Variants in SGCZ observed in about 807,000 individuals in gnomAD.
SGCZ encodes zeta-sarcoglycan.
Under a neutral mutation model 41.3 loss-of-function variants are expected in SGCZ, and 40 were observed. That is an observed-to-expected ratio of 0.97 (90% CI 0.75 to 1.26). The LOEUF (loss-of-function observed/expected upper bound fraction) is 1.26, where lower values mean the gene tolerates loss of function less well. Among genes scored for constraint, SGCZ ranks in the 50% most tolerant of loss-of-function variants. The pLI, the probability that SGCZ is intolerant of heterozygous loss-of-function variation, is 0.00. For synonymous variants in SGCZ, 206 were observed against 137.5 expected, an observed-to-expected ratio of 1.50 and a Z score of -3.49; for missense variants, 552 against 369.8, an observed-to-expected ratio of 1.49 and a Z score of -4.04.
intron 1 of SGCZ, among the ~76,000 whole-genome samples, chr8:14,626,004 C>A (rs760616622): frequency 2.6e-5 from 4 of 152,114 alleles, no homozygotes; most frequent in Non-Finnish European, 4.4e-5. Flanking sequence ...GAAAAAGGGG[C>A]AGTCGCATAC....
chr8:14,635,057 G>T (rs1806783996), intron 1 of SGCZ, among the ~76,000 whole-genome samples: 3 of 135,598 alleles, frequency 2.2e-5, no homozygotes, highest in Non-Finnish European at 1.6e-5. Context: ...TATTGAAATA[G>T]TATTATAATT....
intron 1 of SGCZ, among the ~76,000 whole-genome samples, chr8:14,691,100 T>A (rs1186993689): frequency 6.6e-6 from 1 of 152,208 alleles, no homozygotes; most frequent in Non-Finnish European, 1.5e-5. Context: ...TTATTTATTA[T>A]GTTTATTGTC....
intron 1 of SGCZ, among the ~76,000 whole-genome samples, chr8:14,607,765 C>T (rs896685178): frequency 9.2e-5 from 14 of 152,114 alleles, no homozygotes; most frequent in African/African-American, 3.1e-4. Context: ...TTTTCAGCTC[C>T]TCTGGATAAT....
chr8:14,629,312 T>C (rs1274389057), intron 1 of SGCZ, among the ~76,000 whole-genome samples: 5 of 151,454 alleles, frequency 3.3e-5, no homozygotes, highest in Non-Finnish European at 7.4e-5. Flanking sequence ...TAGGTGATCT[T>C]TTTAAAAATT....
At chr8:14,669,158 A>G (rs1246901751) in intron 1 of SGCZ, among the ~76,000 whole-genome samples, 1 of 149,270 alleles carries the variant, frequency 6.7e-6, no homozygotes, top group African/African-American at 2.5e-5. Flanking sequence ...AACATGGTAA[A>G]ACCTCGTCTC....
intron 3 of SGCZ, among the ~76,000 whole-genome samples, chr8:14,267,150 AT>A (rs1237652892): frequency 6.6e-6 from 1 of 152,054 alleles, no homozygotes; most frequent in Non-Finnish European, 1.5e-5. Flanking sequence ...GATAAGAGTT[AT>A]TATTATTATT....
At chr8:14,819,490 G>C (rs1421029438) in intron 1 of SGCZ, among the ~76,000 whole-genome samples, 3 of 152,108 alleles carry the variant, frequency 2.0e-5, no homozygotes. Context: ...TCAAGAAAGT[G>C]CTACAACTGC....
At chr8:14,193,329 G>A (rs560654305) in intron 4 of SGCZ, among the ~76,000 whole-genome samples, 1,032 of 29,156 alleles carry the variant, frequency 0.035, 4 homozygotes, top group South Asian at 0.091. Context: ...AAAAAATGCA[G>A]CATGCTATTT....
intron 2 of SGCZ, among the ~76,000 whole-genome samples, chr8:14,500,841 G>A (rs7828975): frequency 0.26 from 38,954 of 151,582 alleles, 5,021 homozygotes; most frequent in Admixed American, 0.29. Flanking sequence ...GTTTTCATAT[G>A]TAACTCTTAT....
chr8:14,279,743 A>C (rs951175217), intron 3 of SGCZ, among the ~76,000 whole-genome samples: 4 of 152,038 alleles, frequency 2.6e-5, no homozygotes, highest in Non-Finnish European at 5.9e-5. Flanking sequence ...TAAAAAGTAG[A>C]TTCACAGCCT....
intron 2 of SGCZ, among the ~76,000 whole-genome samples, chr8:14,328,254 T>C (rs1802193510): frequency 6.6e-6 from 1 of 152,198 alleles, no homozygotes; most frequent in African/African-American, 2.4e-5. Flanking sequence ...ATAAATTAAA[T>C]TTATTTTTAG....
At position 14,882,743 on chromosome 8, in the gene SGCZ, C is replaced by T. The variant is rs183896967; in HGVS notation, c.40-327817G>A. ...CCTGGTAATACCTTCCTCAATCTAC[C>T]CTCTTTTTCTATTTTTCTATCTCCA... On this transcript the variant is annotated intron_variant, in intron 1 of 7. Coordinates refer to ENST00000382080, the MANE Select transcript of SGCZ (RefSeq NM_139167.4). Among the ~76,000 whole-genome samples, 190 of 152,044 alleles carry T rather than the reference C, an allele frequency of 1.2e-3. 4 individuals carry two copies. The highest frequency in any genetic ancestry group is 5.9e-5 in the Non-Finnish European group (4 of 67,982).
chr8:14,092,923 C>G lies in SGCZ; in HGVS notation c.745-2286G>C, dbSNP rs960473656. Among the ~76,000 whole-genome samples, 3 of 152,002 alleles carry G rather than the reference C, an allele frequency of 2.0e-5. No individual in the cohort carries two copies. In the East Asian group the frequency reaches 5.8e-4, roughly 30 times the overall value. The stretch of plus-strand genomic sequence containing the variant: ...TTTGAAGTCTCCATGAAACATATTA[C>G]CTATGTTCAATACCTACTTTGCTAA... On this transcript the variant is annotated intron_variant, in intron 7 of 7. Transcript: ENST00000382080.
chr8:14,249,324 A>G (rs988249572), intron 3 of SGCZ, among the ~76,000 whole-genome samples: 1 of 152,168 alleles, frequency 6.6e-6, no homozygotes, highest in African/African-American at 2.4e-5. Flanking sequence ...GTTTAGCATG[A>G]TATCACAGGC....
intron 1 of SGCZ, among the ~76,000 whole-genome samples, chr8:15,031,612 G>A (rs1233904576): frequency 1.3e-5 from 2 of 152,190 alleles, no homozygotes; most frequent in African/African-American, 4.8e-5. Context: ...TTGGCAGCTA[G>A]TGAGGCTTCC....
At chr8:14,687,711 G>T (rs1808662732) in intron 1 of SGCZ, among the ~76,000 whole-genome samples, 1 of 151,456 alleles carries the variant, frequency 6.6e-6, no homozygotes, top group South Asian at 2.1e-4. Flanking sequence ...TATATACCCA[G>T]TAATGAGATG....
chr8:14,532,138 TA>T (rs1165859905), intron 2 of SGCZ, among the ~76,000 whole-genome samples: 3 of 152,110 alleles, frequency 2.0e-5, no homozygotes, highest in Non-Finnish European at 4.4e-5. Flanking sequence ...AATGGCATTT[TA>T]TGAAGACCTA....
At chr8:14,268,698 C>G (rs1180135314) in intron 3 of SGCZ, among the ~76,000 whole-genome samples, 1 of 151,638 alleles carries the variant, frequency 6.6e-6, no homozygotes, top group African/African-American at 2.4e-5. Flanking sequence ...GTTATTAGAA[C>G]ATGAGAAAAT....
chr8:14,997,912 A>T lies in SGCZ; in HGVS notation c.39+239673T>A, dbSNP rs964613854. On this transcript the variant is annotated intron_variant, in intron 1 of 7. Coordinates refer to ENST00000382080, the MANE Select transcript of SGCZ (RefSeq NM_139167.4). Reference sequence around the variant, plus strand: ...GAGGCGGAGGTTGCAGTGAGCCGAGATGGTGCCACTGCACTCCAGCCTGGG... The same window carrying T: ...GAGGCGGAGGTTGCAGTGAGCCGAGTTGGTGCCACTGCACTCCAGCCTGGG... Among the ~76,000 whole-genome samples, 11 of 152,280 alleles carry T rather than the reference A, an allele frequency of 7.2e-5. No homozygotes were observed. The East Asian group carries it at 2.1e-3, about 29-fold the overall frequency.
Sources: gnomAD v4.1 joint callset for allele counts (sites outside exome capture counted in the v4.1 genomes callset) on GRCh38, gnomAD v4.1.1 for gene constraint, MANE v1.5 for transcripts, NCBI Gene and HGNC (gene_info 2026-07-23, HGNC 2026-07-21) for gene names.